ATP9A: variants seen among roughly 807,000 people sequenced by gnomAD.
ATP9A encodes probable phospholipid-transporting ATPase IIA.
A neutral mutation model predicts 144.1 loss-of-function variants in ATP9A; 52 were observed. The ratio of observed to expected loss-of-function variants is 0.36; its 90% CI spans 0.29 to 0.45. The LOEUF is 0.45. Ranked by LOEUF, ATP9A falls within the 20% of genes least tolerant of loss-of-function variation. The probability of loss-of-function intolerance (pLI) is 1.00; values close to 1 mark genes in which losing one functional copy is unlikely to be tolerated. For missense variants in ATP9A, 947 were observed against 1,392.7 expected (o/e 0.68, Z 5.09); for synonymous variants, 582 against 557.4 (o/e 1.04, Z -0.62).
At chr20:51,747,998 C>T (rs1450396152) in intron 1 of ATP9A, among the ~76,000 whole-genome samples, 3 of 152,196 alleles carry the variant, frequency 2.0e-5, no homozygotes, top group Admixed American at 6.5e-5. Context: ...CAAGCCTGTC[C>T]CTTTGTCTTC....
In ATP9A at chr20:51,635,086, G is replaced by A. The variant is rs1013225563; in HGVS notation, c.1668+4257C>T. Among the ~76,000 whole-genome samples, 3 of 152,156 alleles carry A rather than the reference G, an allele frequency of 2.0e-5. No individual in the cohort carries two copies. The East Asian group carries it at 5.8e-4, about 29-fold the overall frequency. ...CTTCTGATAACAGCATGAGGCTGAC[G>A]TGAGGGGAGGTCACCTCTGACAGTG... On this transcript the variant is annotated intron_variant, in intron 15 of 27. Transcript: ENST00000338821.
chr20:51,757,173 T>C (rs1035593147), intron 1 of ATP9A, among the ~76,000 whole-genome samples: 8 of 152,092 alleles, frequency 5.3e-5, no homozygotes, highest in Admixed American at 4.6e-4. Context: ...AAACCCAAAA[T>C]ATCGGCCAGG....
chr20:51,612,939 G>GC (rs1409875406), intron 23 of ATP9A, among the ~76,000 whole-genome samples: 1 of 152,152 alleles, frequency 6.6e-6, no homozygotes, highest in Non-Finnish European at 1.5e-5. Context: ...GCTGACCCCT[G>GC]CAAGTGGACA....
At position 51,657,053 on chromosome 20, in the gene ATP9A, G is replaced by C; in HGVS notation, c.1391C>G (p.Ala464Gly). Residue 464 changes from alanine (A) to glycine (G), a missense_variant, in exon 14 of 28, where the codon GCG becomes GGG. Around this residue, in one of 2 missense-constraint regions of ATP9A, gnomAD observed 770 missense variants for 1,047.9 expected, o/e 0.73. Coordinates refer to ENST00000338821, the MANE Select transcript of ATP9A (RefSeq NM_006045.3). Reference protein sequence around the residue: ...SRVHEAVKAIALCHNVTPVYE... With the variant: ...SRVHEAVKAIGLCHNVTPVYE... ...CACGGGAGTCACGTTGTGGCAGAGC[G>C]CGATGGCCTTCACGGCTTCGTGCAC... 1.9e-6 allele frequency: 3 copies of C among 1,614,170 alleles called. No individual in the cohort carries two copies. The highest frequency in any genetic ancestry group is 2.5e-6 in the Non-Finnish European group (3 of 1,180,028).
At chr20:51,707,064 C>T (rs983497278) in intron 4 of ATP9A, among the ~76,000 whole-genome samples, 2 of 152,130 alleles carry the variant, frequency 1.3e-5, no homozygotes, top group African/African-American at 2.4e-5. Flanking sequence ...CCACCCCAGC[C>T]GTCACAGGCT....
intron 7 of ATP9A, among the ~76,000 whole-genome samples, chr20:51,693,494 G>T (rs987992539): frequency 6.6e-6 from 1 of 152,092 alleles, no homozygotes; most frequent in South Asian, 2.1e-4. Flanking sequence ...AGTAAGATGA[G>T]AAATCTTTGG....
intron 13 of ATP9A, among the ~76,000 whole-genome samples, chr20:51,662,229 G>A (rs892335883): frequency 1.3e-5 from 2 of 152,168 alleles, no homozygotes; most frequent in Non-Finnish European, 2.9e-5. Flanking sequence ...TGTTCTTCAC[G>A]AATGTTTTGC....
At chr20:51,749,898 G>T (rs2077824230) in intron 1 of ATP9A, among the ~76,000 whole-genome samples, 6 of 151,978 alleles carry the variant, frequency 3.9e-5, no homozygotes. Flanking sequence ...TGTAATCCCA[G>T]CACTTTGGGA....
At chr20:51,744,191 G>A (rs2077797716) in intron 1 of ATP9A, among the ~76,000 whole-genome samples, 2 of 151,434 alleles carry the variant, frequency 1.3e-5, no homozygotes, top group African/African-American at 4.9e-5. Flanking sequence ...TTTGAGACAG[G>A]GTCTCACTCT....
chr20:51,620,522 T>C (rs1460797704), intron 19 of ATP9A, among the ~76,000 whole-genome samples: 1 of 152,124 alleles, frequency 6.6e-6, no homozygotes, highest in Non-Finnish European at 1.5e-5. Context: ...TCATTAACAT[T>C]GAGCTCACAG....
At chr20:51,617,623 T>C in intron 21 of ATP9A, 69 bp from the exon 22 acceptor site, 1 of 1,538,540 alleles carries the variant, frequency 6.5e-7, no homozygotes. Context: ...TATGCTTGTC[T>C]TTACCGCACT....
intron 26 of ATP9A, among the ~76,000 whole-genome samples, chr20:51,606,052 A>G (rs922722391): frequency 2.6e-5 from 4 of 152,178 alleles, no homozygotes; most frequent in African/African-American, 9.6e-5. Context: ...GGCGGATCAC[A>G]AGGTCAGGAG....
At chr20:51,619,313 C>T (rs150135795) in intron 19 of ATP9A, among the ~76,000 whole-genome samples, 1,989 of 152,286 alleles carry the variant, frequency 0.013, 45 homozygotes, top group African/African-American at 0.046. Flanking sequence ...CCTGTAATCC[C>T]AGCACTTTGG....
intron 1 of ATP9A, among the ~76,000 whole-genome samples, chr20:51,737,614 A>C (rs1357293015): frequency 6.6e-6 from 1 of 152,226 alleles, no homozygotes; most frequent in Non-Finnish European, 1.5e-5. Context: ...GGAGTGAAAA[A>C]AGAGAATTGT....
intron 3 of ATP9A, among the ~76,000 whole-genome samples, chr20:51,722,488 A>G (rs2077693817): frequency 6.6e-6 from 1 of 152,160 alleles, no homozygotes; most frequent in South Asian, 2.1e-4. Flanking sequence ...ACTCAAACAA[A>G]TCAGTAAGAA....
intron 1 of ATP9A, among the ~76,000 whole-genome samples, chr20:51,762,494 A>G (rs1386189563): frequency 9.2e-6 from 1 of 108,552 alleles, no homozygotes; most frequent in Non-Finnish European, 1.8e-5. Context: ...ACTCTGTCTC[A>G]AAAAAAAAAA....
chr20:51,654,561 G>C (rs1453464738), intron 14 of ATP9A, among the ~76,000 whole-genome samples: 1 of 151,758 alleles, frequency 6.6e-6, no homozygotes, highest in Non-Finnish European at 1.5e-5. Context: ...GTTACCATGA[G>C]CCTTATGCTC....
intron 14 of ATP9A, among the ~76,000 whole-genome samples, chr20:51,645,532 C>A (rs1288242897): frequency 5.2e-5 from 6 of 115,238 alleles, no homozygotes; most frequent in African/African-American, 1.6e-4. Context: ...CAAACAAAAA[C>A]AAACAAACAA....
intron 3 of ATP9A, among the ~76,000 whole-genome samples, chr20:51,719,493 G>C (rs551756443): frequency 1.3e-3 from 200 of 152,232 alleles, no homozygotes; most frequent in African/African-American, 4.6e-3. Flanking sequence ...CCAGCACTTT[G>C]GGAGGCCAAG....
Sources: gnomAD v4.1 joint callset for allele counts (sites outside exome capture counted in the v4.1 genomes callset) on GRCh38, gnomAD v4.1.1 for gene constraint, gnomAD v4.1.1 regional missense constraint, MANE v1.5 for transcripts, NCBI Gene and HGNC (gene_info 2026-07-23, HGNC 2026-07-21) for gene names.